Variants in PARD3 observed in about 807,000 individuals in gnomAD.
PARD3 encodes partitioning defective 3 homolog.
A neutral mutation model predicts 155.4 loss-of-function variants in PARD3; 75 were observed. The observed-to-expected ratio is 0.48, with a 90% confidence interval of 0.40 to 0.58. PARD3 has a LOEUF of 0.58. Among genes scored for constraint, PARD3 ranks in the 20% least tolerant of loss-of-function variants. PARD3 has a pLI of 0.00. For synonymous variants in PARD3, 576 were observed against 610.5 expected (o/e 0.94, Z 0.83); for missense variants, 1,642 against 1,721.7 (o/e 0.95, Z 0.82).
rs143275998 is a variant in PARD3 at position 34,328,463 on chromosome 10, A to G, written c.2833+2654T>C. Among the ~76,000 whole-genome samples the G allele has an allele frequency of 1.6e-4, 25 of 152,272 alleles. No homozygotes were observed. The East Asian group carries it at 4.8e-3, about 29-fold the overall frequency. ...AACCATCTAAGCCAGAACTTTTACA[A>G]CTTTTTCCTAAATACTCAAAAACAC... On this transcript the variant is annotated intron_variant, in intron 19 of 24. Coordinates refer to ENST00000374788, the MANE Select transcript of PARD3 (RefSeq NM_001184785.2).
chr10:34,353,378 T>A (rs1246076120), intron 14 of PARD3, among the ~76,000 whole-genome samples: 1 of 152,146 alleles, frequency 6.6e-6, no homozygotes, highest in Non-Finnish European at 1.5e-5. Flanking sequence ...CCAAGAAAAA[T>A]TCTTCTGCCT....
intron 4 of PARD3, among the ~76,000 whole-genome samples, chr10:34,458,696 GAAATAGATGAGGGA>G (rs2077462625): frequency 6.6e-6 from 1 of 152,122 alleles, no homozygotes; most frequent in East Asian, 1.9e-4. Context: ...AGGTGAGGAG[GAAATAGATGAGGGA>G]AGTTTAACGT....
chr10:34,540,792 G>A (rs969220624), intron 2 of PARD3, among the ~76,000 whole-genome samples: 10 of 152,008 alleles, frequency 6.6e-5, no homozygotes, highest in Admixed American at 5.2e-4. Context: ...GGAGGGGACC[G>A]GGGGTGTAAT....
intron 24 of PARD3, among the ~76,000 whole-genome samples, chr10:34,115,738 A>T (rs1946634196): frequency 6.9e-6 from 1 of 144,358 alleles, no homozygotes; most frequent in Admixed American, 7.1e-5. Context: ...TTTGAGACGG[A>T]GTTTTGCTCT....
At chr10:34,324,790 T>C (rs1958585489) in intron 19 of PARD3, among the ~76,000 whole-genome samples, 1 of 152,136 alleles carries the variant, frequency 6.6e-6, no homozygotes, top group Non-Finnish European at 1.5e-5. Context: ...CATCCATCTT[T>C]GTGTGAGAGA....
intron 1 of PARD3, among the ~76,000 whole-genome samples, chr10:34,714,688 T>C (rs1231745740): frequency 6.6e-6 from 1 of 152,170 alleles, no homozygotes; most frequent in East Asian, 1.9e-4. Flanking sequence ...TCTATGATGG[T>C]ATCTTCAAAA....
chr10:34,169,580 G>A (rs893478069), intron 22 of PARD3, among the ~76,000 whole-genome samples: 7 of 152,240 alleles, frequency 4.6e-5, no homozygotes, highest in African/African-American at 9.6e-5. Flanking sequence ...ATGGGCATGT[G>A]GGGATTTAGA....
Position 34,470,200 on chromosome 10 carries a change from C to T in PARD3, c.467G>A (p.Ser156Asn). Residue 156 changes from serine (S) to asparagine (N), a missense_variant, in exon 4 of 25, where the codon AGT becomes AAT. Ser to Asn is a conservative substitution (Grantham distance 46). This residue lies in a region of PARD3 where 1,529 missense variants were observed against 1,587.3 expected (regional missense o/e 0.96). Coordinates refer to ENST00000374788, the MANE Select transcript of PARD3 (RefSeq NM_001184785.2). ...CTCTTCAGAGGAAAAATTACTATCA[C>T]TGACAGAAGTGGAGAGGCCAATTAG... is the stretch of plus-strand genomic sequence containing the variant. ...PALIGLSTSV[S>N]DSNFSSEEPS... is the part of the protein sequence containing the mutation. The T allele has an allele frequency of 6.2e-7, 1 of 1,613,292 alleles. No homozygotes were observed. Among genetic ancestry groups the T allele is most frequent in the Non-Finnish European group, 8.5e-7 (1 of 1,179,620 alleles).
At chr10:34,789,709 G>GC (rs200691336) in intron 1 of PARD3, among the ~76,000 whole-genome samples, 1,796 of 150,832 alleles carry the variant, frequency 0.012, 11 homozygotes, top group Non-Finnish European at 0.017. Context: ...GTTACCACCC[G>GC]CCCCCCCAAA....
chr10:34,452,292 T>C (rs2077103876), intron 4 of PARD3, among the ~76,000 whole-genome samples: 1 of 152,136 alleles, frequency 6.6e-6, no homozygotes, highest in East Asian at 1.9e-4. Flanking sequence ...TTCAGAGAAA[T>C]CAACAGTACC....
intron 1 of PARD3, among the ~76,000 whole-genome samples, chr10:34,738,922 A>C (rs1231446157): frequency 1.3e-5 from 2 of 152,232 alleles, no homozygotes; most frequent in African/African-American, 4.8e-5. Context: ...ATAAAACATA[A>C]AACCAGAACA....
chr10:34,701,136 G>C (rs1266796317), intron 1 of PARD3, among the ~76,000 whole-genome samples: 1 of 152,176 alleles, frequency 6.6e-6, no homozygotes, highest in Non-Finnish European at 1.5e-5. Context: ...AGCAGAATGA[G>C]CAGACCAGAG....
chr10:34,361,538 T>G (rs1446199754), intron 12 of PARD3, among the ~76,000 whole-genome samples: 1 of 152,210 alleles, frequency 6.6e-6, no homozygotes, highest in Non-Finnish European at 1.5e-5. Context: ...AATTTGGAAT[T>G]CAAGGAAATT....
At chr10:34,555,100 C>T (rs907458300) in intron 2 of PARD3, among the ~76,000 whole-genome samples, 2 of 152,164 alleles carry the variant, frequency 1.3e-5, no homozygotes, top group Non-Finnish European at 2.9e-5. Flanking sequence ...TGAACCCTCA[C>T]GTCAGTTATG....
intron 23 of PARD3, among the ~76,000 whole-genome samples, chr10:34,120,278 T>G (rs1331415673): frequency 3.3e-5 from 5 of 150,806 alleles, no homozygotes; most frequent in Admixed American, 1.3e-4. Context: ...GTGCTGAGAT[T>G]ACAGGTGTAA....
chr10:34,356,592 G>A (rs1230767541), intron 14 of PARD3, among the ~76,000 whole-genome samples: 2 of 152,186 alleles, frequency 1.3e-5, no homozygotes, highest in Non-Finnish European at 2.9e-5. Context: ...GACCTAGAAA[G>A]AAAACTCAGC....
chr10:34,330,389 T>C (rs1835484737), intron 19 of PARD3, among the ~76,000 whole-genome samples: 2 of 152,274 alleles, frequency 1.3e-5, no homozygotes, highest in East Asian at 1.9e-4. Context: ...TATTAACCTT[T>C]GACTTTTAAT....
At chr10:34,338,145 T>C (rs1055101204) in intron 16 of PARD3, among the ~76,000 whole-genome samples, 2 of 152,194 alleles carry the variant, frequency 1.3e-5, no homozygotes, top group Admixed American at 6.5e-5. Flanking sequence ...ATAAACAGTA[T>C]ATGAGAATCA....
intron 14 of PARD3, among the ~76,000 whole-genome samples, chr10:34,354,946 A>G (rs1838625928): frequency 6.6e-6 from 1 of 152,244 alleles, no homozygotes; most frequent in East Asian, 1.9e-4. Flanking sequence ...CTGATTGCAG[A>G]GAAAACCCTC....
Sources: gnomAD v4.1 joint callset for allele counts (sites outside exome capture counted in the v4.1 genomes callset) on GRCh38, gnomAD v4.1.1 for gene constraint, gnomAD v4.1.1 regional missense constraint, MANE v1.5 for transcripts, NCBI Gene and HGNC (gene_info 2026-07-23, HGNC 2026-07-21) for gene names.